The following SPDYA variants were observed in gnomAD, a reference collection of about 807,000 sequenced individuals.
SPDYA encodes the protein speedy/RINGO cell cycle regulator family member A.
A neutral mutation model predicts 36.7 loss-of-function variants in SPDYA; 11 were observed. The observed-to-expected ratio is 0.30, with a 90% CI of 0.19 to 0.50. The LOEUF (loss-of-function observed/expected upper bound fraction) is 0.50. Ranked by LOEUF, SPDYA falls within the 20% of genes least tolerant of loss-of-function variation. SPDYA has a pLI of 0.98. For missense variants in SPDYA, 287 were observed against 370.9 expected (o/e 0.77, Z 1.86); for synonymous variants, 115 against 118.7 (o/e 0.97, Z 0.20).
At chr2:28,830,307 C>T (rs1318565316) in intron 6 of SPDYA, among the ~76,000 whole-genome samples, 5 of 150,316 alleles carry the variant, frequency 3.3e-5, no homozygotes, top group East Asian at 2.0e-4. Context: ...GGGTCCACGC[C>T]ATTCTCTTGC....
chr2:28,823,702 AAT>A (rs1160889916), intron 5 of SPDYA, among the ~76,000 whole-genome samples: 547 of 49,154 alleles, frequency 0.011, 7 homozygotes, highest in East Asian at 0.053. Flanking sequence ...GGAATGCATG[AAT>A]ATATATATAT....
At chr2:28,815,262 AC>A (rs748142477) in intron 2 of SPDYA, among the ~76,000 whole-genome samples, 69 of 149,906 alleles carry the variant, frequency 4.6e-4, no homozygotes, top group Non-Finnish European at 8.3e-4. Context: ...AGTCTGGGTG[AC>A]AGAGCAAGAC....
At chr2:28,815,300 A>ACACACG (rs948069255) in intron 2 of SPDYA, among the ~76,000 whole-genome samples, 2 of 148,546 alleles carry the variant, frequency 1.3e-5, no homozygotes, top group Non-Finnish European at 2.9e-5. Flanking sequence ...ACACACACAC[A>ACACACG]CACACACACA....
At chr2:28,838,119 A>G (rs1176876697) in intron 6 of SPDYA, among the ~76,000 whole-genome samples, 1 of 151,950 alleles carries the variant, frequency 6.6e-6, no homozygotes, top group Admixed American at 6.6e-5. Flanking sequence ...TTTCTCATAT[A>G]AAAGACACCC....
intron 1 of SPDYA, among the ~76,000 whole-genome samples, chr2:28,813,971 T>C (rs1223702542): frequency 2.0e-5 from 3 of 152,144 alleles, no homozygotes; most frequent in Non-Finnish European, 4.4e-5. Flanking sequence ...GTCTCAAGGC[T>C]CAATTTATCA....
intron 1 of SPDYA, among the ~76,000 whole-genome samples, chr2:28,812,375 A>G (rs1265304268): frequency 6.6e-6 from 1 of 151,800 alleles, no homozygotes; most frequent in Admixed American, 6.6e-5. Context: ...CTTGTTTCAT[A>G]TTATGGCTGG....
intron 6 of SPDYA, among the ~76,000 whole-genome samples, chr2:28,832,844 T>A (rs138581383): frequency 2.6e-5 from 1 of 38,546 alleles, no homozygotes; most frequent in Non-Finnish European, 4.8e-5. Context: ...CACCCCCACC[T>A]TTTTTTTTTT....
At chr2:28,818,976 A>C in intron 3 of SPDYA, 72 bp from the exon 4 acceptor site, 1 of 1,201,396 alleles carries the variant, frequency 8.3e-7, no homozygotes, top group Non-Finnish European at 1.2e-6. Context: ...TAATCTCTTG[A>C]CATAGAAATT....
chr2:28,848,703 A>G (rs1668950422), intron 7 of SPDYA, among the ~76,000 whole-genome samples: 1 of 152,206 alleles, frequency 6.6e-6, no homozygotes, highest in African/African-American at 2.4e-5. Context: ...TAAGAGATAA[A>G]TCTAGGAATG....
At chr2:28,841,698 T>TCATTGTTC (rs1348960346) in intron 7 of SPDYA, among the ~76,000 whole-genome samples, 1 of 152,220 alleles carries the variant, frequency 6.6e-6, no homozygotes, top group Non-Finnish European at 1.5e-5. Context: ...TATGCCTCAG[T>TCATTGTTC]CATTGTTCCA....
chr2:28,843,550 CAAAAAAA>C (rs371405702), intron 7 of SPDYA, among the ~76,000 whole-genome samples: 3 of 110,774 alleles, frequency 2.7e-5, no homozygotes, highest in Admixed American at 1.0e-4. Flanking sequence ...AACTTCGTCT[CAAAAAAA>C]AAAAAAAAAA....
chr2:28,829,352 C>A, intron 6 of SPDYA, 33 bp downstream of exon 6: 1 of 1,552,560 alleles, frequency 6.4e-7, no homozygotes. Context: ...TATATGTAAT[C>A]TTTGTTTTCT....
chr2:28,818,887 A>G (rs1267269700), intron 3 of SPDYA, among the ~76,000 whole-genome samples, 161 bp from the exon 4 acceptor site: 1 of 152,256 alleles, frequency 6.6e-6, no homozygotes, highest in Admixed American at 6.5e-5. Flanking sequence ...TTGCAATGGT[A>G]AATACACCAA....
intron 7 of SPDYA, chr2:28,841,995 T>C (rs780275337): frequency 6.6e-6 from 1 of 152,218 alleles, no homozygotes; most frequent in Non-Finnish European, 1.5e-5. Flanking sequence ...ATTCATAATA[T>C]CATTTAATAT....
At chr2:28,819,238 G>T in intron 4 of SPDYA, 132 bp downstream of exon 4, 2 of 628,264 alleles carry the variant, frequency 3.2e-6, no homozygotes, top group Non-Finnish European at 2.6e-6. Context: ...GCCAGGTGCA[G>T]TGGCTCACAC....
At chr2:28,844,395 A>G (rs1444428056) in intron 7 of SPDYA, among the ~76,000 whole-genome samples, 1 of 152,174 alleles carries the variant, frequency 6.6e-6, no homozygotes, top group Non-Finnish European at 1.5e-5. Context: ...TGACTTACCT[A>G]TGGTTGCTAT....
In SPDYA at chr2:28,834,081, AAC is replaced by A. The variant is rs56865803; in HGVS notation, c.552+4795_552+4796del. 4.3e-3 allele frequency among the ~76,000 whole-genome samples: 625 copies of A among 146,846 alleles called. 2 individuals carry two copies. Among genetic ancestry groups the A allele is most frequent in the African/African-American group, 7.9e-3 (317 of 39,946 alleles). On this transcript the variant is annotated intron_variant, in intron 6 of 7. Transcript: ENST00000334056. ...CCAAAGAAGGTATGCAAATTGCTAA[AAC>A]ACACACACACACACACACACACACA... is the stretch of plus-strand genomic sequence containing the variant.
chr2:28,819,904 T>G (rs1166335218), intron 4 of SPDYA, among the ~76,000 whole-genome samples: 1 of 107,116 alleles, frequency 9.3e-6, no homozygotes, highest in Non-Finnish European at 1.7e-5. Context: ...ATATATATAT[T>G]TTATCCTGAG....
At chr2:28,815,283 A>AAC (rs55773017) in intron 2 of SPDYA, among the ~76,000 whole-genome samples, 11,025 of 136,766 alleles carry the variant, frequency 0.081, 482 homozygotes, top group African/African-American at 0.13. Context: ...CCCTGTCTGA[A>AAC]ACACACACAC....
Sources: allele counts gnomAD v4.1 joint callset (sites outside exome capture counted in the v4.1 genomes callset), GRCh38; gene constraint gnomAD v4.1.1; transcripts MANE v1.5; gene names NCBI Gene and HGNC (gene_info 2026-07-23, HGNC 2026-07-21).